The following PDE11A variants were observed in gnomAD, a reference collection of about 807,000 sequenced individuals.
The protein encoded by PDE11A is dual 3',5'-cyclic-AMP and -GMP phosphodiesterase 11A.
In PDE11A, 100 loss-of-function variants were observed where a neutral mutation model predicts 100.5. That is an observed-to-expected ratio of 1.00 (90% CI 0.85 to 1.18). PDE11A has a LOEUF of 1.18. PDE11A is among the 50% of genes most tolerant of loss of function. The pLI is 0.00. For synonymous variants in PDE11A, 381 were observed against 420.8 expected (o/e 0.91, Z 1.16); for missense variants, 1,141 against 1,152.6 (o/e 0.99, Z 0.15).
intron 19 of PDE11A, among the ~76,000 whole-genome samples, chr2:177,660,706 C>T (rs2080474276): frequency 6.6e-6 from 1 of 152,190 alleles, no homozygotes; most frequent in African/African-American, 2.4e-5. Context: ...ATAAGTAGCC[C>T]TTCAGGCACT....
At chr2:177,750,865 G>A (rs1249348525) in intron 10 of PDE11A, among the ~76,000 whole-genome samples, 1 of 152,112 alleles carries the variant, frequency 6.6e-6, no homozygotes, top group African/African-American at 2.4e-5. Flanking sequence ...TACCAGTTTG[G>A]GAAATATTAG....
rs2080523535 is a variant in PDE11A at position 177,663,761 on chromosome 2, T to C, written c.2646+105A>G. The stretch of plus-strand genomic sequence containing the variant: ...AAACTGCAGCCAGAGCTCTCCGCAA[T>C]GTGCATACCCTGGAAATGTCTCCTC... On this transcript the variant is annotated intron_variant, in intron 19 of 19. Transcript: ENST00000286063. 3.8e-5 allele frequency: 29 copies of C among 757,350 alleles called. No homozygotes were observed. The Admixed American group carries it at 5.1e-4, about 13-fold the overall frequency. 46.9% of individuals were successfully genotyped at this position (757,350 alleles called of 1,614,324 possible). A position where few individuals can be genotyped will look rare whatever the true frequency, so the allele number is the denominator to read the frequency against.
intron 19 of PDE11A, among the ~76,000 whole-genome samples, chr2:177,662,383 G>A (rs1370046112): frequency 6.6e-6 from 1 of 152,184 alleles, no homozygotes; most frequent in Non-Finnish European, 1.5e-5. Context: ...AAAGTAAAAG[G>A]AATGTAGTAA....
intron 19 of PDE11A, among the ~76,000 whole-genome samples, chr2:177,638,329 GT>G (rs145051583): frequency 0.041 from 6,207 of 152,012 alleles, 126 homozygotes; most frequent in East Asian, 0.076. Context: ...AAAAATTAGC[GT>G]TTTCTTTTCT....
At chr2:177,718,295 G>A (rs1327216873) in intron 12 of PDE11A, among the ~76,000 whole-genome samples, 3 of 152,294 alleles carry the variant, frequency 2.0e-5, no homozygotes, top group Admixed American at 6.5e-5. Context: ...AAGAGAGGTG[G>A]GATAAAAGCC....
intron 16 of PDE11A, chr2:177,678,029 C>A (rs1395882626): frequency 6.6e-6 from 1 of 152,064 alleles, no homozygotes; most frequent in Non-Finnish European, 1.5e-5. Flanking sequence ...TTTGTGTAGA[C>A]TGAAATCTGC....
chr2:177,625,270 C>G lies in PDE11A; in HGVS notation c.*4137G>C, dbSNP rs972879589. 1 of 152,550 alleles carries G rather than the reference C, an allele frequency of 6.6e-6. No individual in the cohort carries two copies. The highest frequency in any genetic ancestry group is 1.5e-5 in the Non-Finnish European group (1 of 68,006). 9.4% of individuals were successfully genotyped at this position (152,550 alleles called of 1,614,324 possible). On this transcript the variant is annotated 3_prime_UTR_variant, in exon 20 of 20. Transcript: ENST00000286063. ...TGAGAAGAATAAAAAAGAAAATTAT[C>G]TGGAAAATTTCTTTAAAGCTAAACA...
At chr2:177,661,196 A>T in intron 19 of PDE11A, among the ~76,000 whole-genome samples, 1 of 152,342 alleles carries the variant, frequency 6.6e-6, no homozygotes, top group Middle Eastern at 3.4e-3. Context: ...TTCTTTTGCC[A>T]TATGCCTAGA....
intron 15 of PDE11A, among the ~76,000 whole-genome samples, chr2:177,689,004 T>C (rs1223081376): frequency 1.3e-5 from 2 of 152,268 alleles, no homozygotes; most frequent in Admixed American, 6.5e-5. Flanking sequence ...CCTTTGAATC[T>C]ACTGAAAGTC....
At position 177,840,369 on chromosome 2, in the gene PDE11A, A is replaced by G. The variant is rs746228686; in HGVS notation, c.1382T>C (p.Met461Thr). Residue 461 changes from methionine (M) to threonine (T), a missense_variant, in exon 6 of 20, where the codon ATG (methionine) becomes ACG (threonine). Transcript: ENST00000286063. The stretch of plus-strand genomic sequence containing the variant: ...CCAGTCGGAGTATGATGATTTCTCC[A>G]TGCTTTCTTTGAAACTATCAGAGCA... ...ADAENSFKES[M>T]EKSSYSDWLI... is the part of the protein sequence containing the mutation. 1 of 1,613,976 alleles carries G rather than the reference A, an allele frequency of 6.2e-7. No individual in the cohort carries two copies. The highest frequency in any genetic ancestry group is 1.1e-5 in the South Asian group (1 of 91,078).
intron 5 of PDE11A, among the ~76,000 whole-genome samples, chr2:177,865,526 C>T (rs529472101): frequency 3.2e-4 from 48 of 152,150 alleles, no homozygotes; most frequent in Non-Finnish European, 5.7e-4. Context: ...CCAAAAGAAC[C>T]GAAAATCTAT....
intron 1 of PDE11A, among the ~76,000 whole-genome samples, chr2:178,031,861 C>G (rs1207549831): frequency 6.6e-6 from 1 of 151,970 alleles, no homozygotes; most frequent in Non-Finnish European, 1.5e-5. Flanking sequence ...CAGCTGAAGC[C>G]AAGACCCTCC....
At chr2:177,696,817 A>T (rs1010688517) in intron 15 of PDE11A, among the ~76,000 whole-genome samples, 10 of 152,302 alleles carry the variant, frequency 6.6e-5, no homozygotes, top group African/African-American at 2.4e-4. Flanking sequence ...CGCCTGATAG[A>T]GCAGGTCCCA....
At chr2:178,048,684 T>C (rs556563605) in intron 1 of PDE11A, among the ~76,000 whole-genome samples, 24 of 152,306 alleles carry the variant, frequency 1.6e-4, no homozygotes, top group African/African-American at 5.8e-4. Context: ...GGGAGGACTA[T>C]GGGCATCCAG....
rs2079817589 is a variant in PDE11A at position 177,625,379 on chromosome 2, A to G, written c.*4028T>C. The G allele has an allele frequency of 6.6e-6, 1 of 152,632 alleles. No individual in the cohort carries two copies. Among genetic ancestry groups the G allele is most frequent in the South Asian group, 2.1e-4 (1 of 4,826 alleles). 9.5% of individuals were successfully genotyped at this position (152,632 alleles called of 1,614,324 possible). On this transcript the variant is annotated 3_prime_UTR_variant, in exon 20 of 20. Coordinates refer to ENST00000286063, the MANE Select transcript of PDE11A (RefSeq NM_016953.4). ...GAGATTCTAAGACTTGGAGAGTCCTAAGATTACAGGTTCAGCTGGTGGCCA... is the reference window on the plus strand; with the variant it reads ...GAGATTCTAAGACTTGGAGAGTCCTGAGATTACAGGTTCAGCTGGTGGCCA...
intron 5 of PDE11A, among the ~76,000 whole-genome samples, chr2:177,856,435 T>C (rs1182904523): frequency 1.3e-5 from 2 of 151,936 alleles, no homozygotes; most frequent in South Asian, 2.1e-4. Flanking sequence ...AAACAGTCAA[T>C]TGAAACTGTC....
chr2:177,688,723 T>C (rs960352973), intron 15 of PDE11A, among the ~76,000 whole-genome samples: 2 of 152,248 alleles, frequency 1.3e-5, no homozygotes, highest in Non-Finnish European at 2.9e-5. Context: ...GCCTGACATA[T>C]GTCCCACTCA....
Position 177,898,190 on chromosome 2 carries a change from T to C in PDE11A, c.1170A>G (p.Leu390=), listed in dbSNP as rs143428645. The C allele has an allele frequency of 3.2e-4, 522 of 1,607,016 alleles. No homozygotes were observed. The highest frequency in any genetic ancestry group is 4.2e-4 in the Non-Finnish European group (492 of 1,173,602). Residue 390 remains leucine, a synonymous_variant, in exon 4 of 20, where the codon CTA becomes CTG. Coordinates refer to ENST00000286063, the MANE Select transcript of PDE11A (RefSeq NM_016953.4). ...RKEYERSRAL[L]EVVNDLFEEQ... ...CTTCAAAGAGGTCATTAACCACCTC[T>C]AGCAAAGCCTAGAAAAGATGAAATA...
In PDE11A at chr2:178,103,794, T is replaced by C. The variant is rs2087587308; in HGVS notation, c.162+508A>G. Among the ~76,000 whole-genome samples the C allele has an allele frequency of 2.0e-5, 3 of 152,010 alleles. No homozygotes were observed. In the South Asian group the frequency reaches 6.2e-4, roughly 32 times the overall value. ...ATAGATAGATGTACACATATAAATC[T>C]CCATATGATTAATCCAGGAATGACA... On this transcript the variant is annotated intron_variant, in intron 2 of 20. Transcript: ENST00000358450.
Sources: allele counts gnomAD v4.1 joint callset (sites outside exome capture counted in the v4.1 genomes callset), GRCh38; gene constraint gnomAD v4.1.1; transcripts MANE v1.5; gene names NCBI Gene and HGNC (gene_info 2026-07-23, HGNC 2026-07-21).